Variants in SYNPR observed in about 807,000 individuals in gnomAD.
SYNPR encodes synaptoporin.
SYNPR carries 23 observed loss-of-function variants against 32.9 expected under a neutral mutation model. The observed-to-expected ratio is 0.70, with a 90% CI of 0.50 to 0.99. SYNPR has a LOEUF of 0.99. Ranked by LOEUF, SYNPR falls within the 50% of genes least tolerant of loss-of-function variation. The probability of loss-of-function intolerance (pLI) is 0.00; values close to 1 mark genes in which losing one functional copy is unlikely to be tolerated. For missense variants in SYNPR, 318 were observed against 349.3 expected, an observed-to-expected ratio of 0.91 and a Z score of 0.71; for synonymous variants, 146 against 135.9, an observed-to-expected ratio of 1.07 and a Z score of -0.52.
At chr3:63,444,156 C>T (rs1700231005) in intron 2 of SYNPR, 1 of 152,196 alleles carries the variant, frequency 6.6e-6, no homozygotes, top group Non-Finnish European at 1.5e-5. Flanking sequence ...CCAGTCCGGG[C>T]TCCTGTGTTT....
At chr3:63,554,226 G>A (rs1054240040) in intron 3 of SYNPR, among the ~76,000 whole-genome samples, 3 of 152,158 alleles carry the variant, frequency 2.0e-5, no homozygotes, top group Admixed American at 2.0e-4. Context: ...GCTTAATTAG[G>A]TCCCACTTAC....
chr3:63,205,612 G>A, the SYNPR span, among the ~76,000 whole-genome samples: 3 of 152,218 alleles, frequency 2.0e-5, no homozygotes, highest in Non-Finnish European at 4.4e-5. Context: ...AAAGCTCATT[G>A]ACATAGCCCT....
At chr3:63,438,513 T>C (rs1317179279) in intron 2 of SYNPR, among the ~76,000 whole-genome samples, 1 of 152,216 alleles carries the variant, frequency 6.6e-6, no homozygotes, top group Non-Finnish European at 1.5e-5. Flanking sequence ...ATTTGAAGCC[T>C]ACTGAGGAAA....
At chr3:63,442,464 C>T (rs1310797033) in intron 2 of SYNPR, among the ~76,000 whole-genome samples, 5 of 152,140 alleles carry the variant, frequency 3.3e-5, no homozygotes, top group African/African-American at 7.2e-5. Flanking sequence ...ACATTGTCCA[C>T]GATGCCAGTG....
chr3:63,448,221 C>T (rs775468428), intron 2 of SYNPR, among the ~76,000 whole-genome samples: 4 of 151,714 alleles, frequency 2.6e-5, no homozygotes, highest in Non-Finnish European at 5.9e-5. Context: ...CCAGGCTGGT[C>T]TTGAATTGAT....
chr3:63,240,430 G>A (rs934663479), intron 1 of SYNPR, among the ~76,000 whole-genome samples: 1 of 152,082 alleles, frequency 6.6e-6, no homozygotes, highest in East Asian at 1.9e-4. Context: ...CATGAGAAGG[G>A]AGAGGCTTTT....
At chr3:63,389,657 A>G (rs2088106142) in intron 2 of SYNPR, among the ~76,000 whole-genome samples, 1 of 152,178 alleles carries the variant, frequency 6.6e-6, no homozygotes, top group African/African-American at 2.4e-5. Flanking sequence ...GAAGATTGAA[A>G]ATCCAGTAGG....
intron 3 of SYNPR, among the ~76,000 whole-genome samples, chr3:63,485,626 T>G (rs138713293): frequency 6.6e-6 from 1 of 152,174 alleles, no homozygotes; most frequent in Non-Finnish European, 1.5e-5. Flanking sequence ...TTTGCTTATC[T>G]TAAGTCTTCA....
chr3:63,389,173 A>G (rs1160382250), intron 2 of SYNPR, among the ~76,000 whole-genome samples: 2 of 152,238 alleles, frequency 1.3e-5, no homozygotes, highest in Non-Finnish European at 2.9e-5. Flanking sequence ...ACAAACTTGC[A>G]CATCCTGCAC....
At chr3:63,473,574 T>C (rs1700844583) in intron 2 of SYNPR, among the ~76,000 whole-genome samples, 1 of 152,174 alleles carries the variant, frequency 6.6e-6, no homozygotes, top group Admixed American at 6.5e-5. Context: ...ACCAAACACA[T>C]ACCTATATTT....
intron 2 of SYNPR, among the ~76,000 whole-genome samples, chr3:63,362,655 G>A (rs1474014149): frequency 6.6e-6 from 1 of 152,116 alleles, no homozygotes; most frequent in African/African-American, 2.4e-5. Flanking sequence ...TGTGATTAAT[G>A]CTATAGGGTG....
intron 1 of SYNPR, among the ~76,000 whole-genome samples, chr3:63,229,581 A>C (rs1438758719): frequency 6.6e-6 from 1 of 152,144 alleles, no homozygotes; most frequent in Non-Finnish European, 1.5e-5. Context: ...ATAGCTGGCT[A>C]GTCCATTCAG....
chr3:63,540,059 T>C (rs767562072), intron 3 of SYNPR, among the ~76,000 whole-genome samples: 2 of 152,158 alleles, frequency 1.3e-5, no homozygotes, highest in Admixed American at 1.3e-4. Flanking sequence ...AGCTACCACA[T>C]GTGTCTGCTA....
At chr3:63,579,462 C>T (rs1252523836) in intron 4 of SYNPR, among the ~76,000 whole-genome samples, 1 of 152,088 alleles carries the variant, frequency 6.6e-6, no homozygotes, top group Non-Finnish European at 1.5e-5. Context: ...CCTGAATTAT[C>T]GTTTCTCCAA....
At chr3:63,367,347 T>TTATTTATTTATGTATG (rs879304019) in intron 2 of SYNPR, among the ~76,000 whole-genome samples, 2 of 141,080 alleles carry the variant, frequency 1.4e-5, no homozygotes, top group South Asian at 4.2e-4. Context: ...GTTGAATTAT[T>TTATTTATTTATGTATG]TATTTATTTA....
chr3:63,293,314 G>C (rs1352419833), intron 2 of SYNPR, among the ~76,000 whole-genome samples: 1 of 149,242 alleles, frequency 6.7e-6, no homozygotes, highest in Non-Finnish European at 1.5e-5. Context: ...TTGTCTTTGG[G>C]GTGGAGGGTT....
intron 2 of SYNPR, among the ~76,000 whole-genome samples, chr3:63,474,663 A>G (rs1382101028): frequency 6.6e-6 from 1 of 152,162 alleles, no homozygotes; most frequent in Non-Finnish European, 1.5e-5. Flanking sequence ...GCTATAAAAC[A>G]CAGCTTTATT....
At chr3:63,536,164 A>T (rs1359379288) in intron 3 of SYNPR, among the ~76,000 whole-genome samples, 2 of 152,106 alleles carry the variant, frequency 1.3e-5, no homozygotes, top group East Asian at 3.9e-4. Context: ...AAAGTAATTC[A>T]TCAAGAAAGT....
intron 2 of SYNPR, among the ~76,000 whole-genome samples, chr3:63,313,422 C>T (rs1259862701): frequency 2.0e-5 from 3 of 151,558 alleles, no homozygotes; most frequent in South Asian, 4.2e-4. Context: ...ACCTTTGCAT[C>T]CTCATAGCTT....
Sources: allele counts gnomAD v4.1 joint callset (sites outside exome capture counted in the v4.1 genomes callset), GRCh38; gene constraint gnomAD v4.1.1; transcripts MANE v1.5; gene names NCBI Gene and HGNC (gene_info 2026-07-23, HGNC 2026-07-21).